CHRM3: variants seen among roughly 807,000 people sequenced by gnomAD.
The protein encoded by CHRM3 is cholinergic receptor muscarinic 3.
Under a neutral mutation model 41.8 loss-of-function variants are expected in CHRM3, and 11 were observed. The observed-to-expected ratio is 0.26, with a 90% CI of 0.17 to 0.44. The LOEUF (loss-of-function observed/expected upper bound fraction) is 0.44, where lower values mean the gene tolerates loss of function less well. CHRM3 is among the 20% of genes least tolerant of loss of function. CHRM3 has a pLI of 1.00. For synonymous variants in CHRM3, 297 were observed against 301.4 expected, an observed-to-expected ratio of 0.99 and a Z score of 0.15; for missense variants, 571 against 745.4, an observed-to-expected ratio of 0.77 and a Z score of 2.72.
In CHRM3 at chr1:239,872,333, C is replaced by A. The variant is rs1029634531; in HGVS notation, c.-19-35100C>A. Among the ~76,000 whole-genome samples the A allele has an allele frequency of 2.0e-5, 3 of 152,122 alleles. No homozygotes were observed. The South Asian group carries it at 6.2e-4, about 31-fold the overall frequency. On this transcript the variant is annotated intron_variant, in intron 6 of 6. Coordinates refer to ENST00000676153, the MANE Select transcript of CHRM3 (RefSeq NM_001375978.1). The stretch of plus-strand genomic sequence containing the variant: ...AAATGAGGTGATGAACTTTAATATC[C>A]CAGAGCTATCTTTCAGCTCAGACCT...
intron 3 of CHRM3, among the ~76,000 whole-genome samples, chr1:239,584,397 A>G (rs1222395136): frequency 6.6e-6 from 1 of 152,042 alleles, no homozygotes; most frequent in Admixed American, 6.6e-5. Flanking sequence ...AGTCACTGCC[A>G]CTATGCTTTG....
chr1:239,554,953 C>T (rs1209871422), intron 3 of CHRM3, among the ~76,000 whole-genome samples: 1 of 152,122 alleles, frequency 6.6e-6, no homozygotes, highest in African/African-American at 2.4e-5. Context: ...TGGTCTCAAA[C>T]TCCTGACCTT....
chr1:239,840,071 T>C (rs929823737), intron 6 of CHRM3, among the ~76,000 whole-genome samples: 8 of 152,204 alleles, frequency 5.3e-5, no homozygotes, highest in African/African-American at 1.9e-4. Context: ...ATAACAAACA[T>C]GGAACTGACA....
chr1:239,590,151 A>G (rs1008167156), intron 3 of CHRM3, among the ~76,000 whole-genome samples: 1 of 152,106 alleles, frequency 6.6e-6, no homozygotes, highest in Non-Finnish European at 1.5e-5. Flanking sequence ...ATCATCCCTC[A>G]GGAGGCCAGG....
intron 3 of CHRM3, among the ~76,000 whole-genome samples, chr1:239,602,108 G>GTATATATATATATATA (rs1293974734): frequency 1.5e-5 from 2 of 129,408 alleles, no homozygotes; most frequent in African/African-American, 6.7e-5. Context: ...GTGTGTGTGT[G>GTATATATATATATATA]TGTATATATA....
At chr1:239,549,796 C>A (rs1558310596) in intron 3 of CHRM3, among the ~76,000 whole-genome samples, 1 of 151,810 alleles carries the variant, frequency 6.6e-6, no homozygotes, top group Non-Finnish European at 1.5e-5. Flanking sequence ...AGGGCCAGAT[C>A]ATGGATCAGA....
chr1:239,528,111 G>T (rs953354776), intron 2 of CHRM3, among the ~76,000 whole-genome samples: 1 of 152,180 alleles, frequency 6.6e-6, no homozygotes, highest in Non-Finnish European at 1.5e-5. Flanking sequence ...GTAAACGAAA[G>T]GTTGCATTTA....
rs12081297 is a variant in CHRM3, at chr1:239,886,830, C to G, written c.-19-20603C>G. Among the ~76,000 whole-genome samples the G allele has an allele frequency of 2.1e-3, 320 of 152,284 alleles. 3 individuals are homozygous for G. Among genetic ancestry groups the G allele is most frequent in the African/African-American group, 7.3e-3 (303 of 41,564 alleles). ...TTCCAAAGAGCATTACCGGGTTTCTCTGTGAACCACGTTTTGCCAGATACT... is the reference window on the plus strand; with the variant it reads ...TTCCAAAGAGCATTACCGGGTTTCTGTGTGAACCACGTTTTGCCAGATACT... On this transcript the variant is annotated intron_variant, in intron 6 of 6. Transcript: ENST00000676153.
At chr1:239,599,351 C>A (rs1202241147) in intron 3 of CHRM3, among the ~76,000 whole-genome samples, 1 of 151,948 alleles carries the variant, frequency 6.6e-6, no homozygotes, top group African/African-American at 2.4e-5. Context: ...TTTGCAAGCT[C>A]CTGGTGGCTT....
rs370912554 is a variant in CHRM3, at chr1:239,698,183, C to T, written c.-147+19895C>T. On this transcript the variant is annotated intron_variant, in intron 5 of 6. Coordinates refer to ENST00000676153, the MANE Select transcript of CHRM3 (RefSeq NM_001375978.1). The stretch of plus-strand genomic sequence containing the variant: ...ATTATTATTTTGTAAAACTGTGTAC[C>T]GTGACAGGTATTATGAATGCTGTGA... 1.2e-4 allele frequency among the ~76,000 whole-genome samples: 18 copies of T among 152,172 alleles called. No individual in the cohort carries two copies. In the South Asian group the frequency reaches 3.7e-3, roughly 32 times the overall value.
intron 5 of CHRM3, among the ~76,000 whole-genome samples, chr1:239,801,133 G>A (rs1443329337): frequency 6.6e-6 from 1 of 152,158 alleles, no homozygotes; most frequent in Non-Finnish European, 1.5e-5. Context: ...TATAAGCCAG[G>A]CATGGTGCGA....
intron 5 of CHRM3, among the ~76,000 whole-genome samples, chr1:239,821,416 G>T (rs1449125512): frequency 6.6e-6 from 1 of 152,164 alleles, no homozygotes; most frequent in Non-Finnish European, 1.5e-5. Flanking sequence ...ATCAATGCTG[G>T]TCTTTAAGTG....
chr1:239,677,795 T>C (rs1658160330), intron 4 of CHRM3, among the ~76,000 whole-genome samples: 1 of 152,238 alleles, frequency 6.6e-6, no homozygotes. Context: ...ATAGCAGCTT[T>C]ATATCAACCT....
chr1:239,787,772 G>A (rs1669026236), intron 5 of CHRM3, among the ~76,000 whole-genome samples: 2 of 152,186 alleles, frequency 1.3e-5, no homozygotes, highest in Admixed American at 1.3e-4. Flanking sequence ...TCTTAGGCAA[G>A]TGTCTTAACA....
intron 6 of CHRM3, among the ~76,000 whole-genome samples, chr1:239,877,156 T>C (rs181503455): frequency 6.6e-6 from 1 of 152,350 alleles, no homozygotes; most frequent in African/African-American, 2.4e-5. Context: ...TAAAAGGTAC[T>C]CATAGGTAAT....
At chr1:239,885,819 T>C (rs1313867313) in intron 6 of CHRM3, among the ~76,000 whole-genome samples, 1 of 152,156 alleles carries the variant, frequency 6.6e-6, no homozygotes, top group Non-Finnish European at 1.5e-5. Flanking sequence ...AAGGTGACAC[T>C]AAACTGAATA....
chr1:239,435,603 G>A (rs1663192712), intron 1 of CHRM3, among the ~76,000 whole-genome samples: 1 of 151,924 alleles, frequency 6.6e-6, no homozygotes, highest in Non-Finnish European at 1.5e-5. Flanking sequence ...TCTGATGTAG[G>A]CTAGACATTT....
intron 1 of CHRM3, among the ~76,000 whole-genome samples, chr1:239,394,352 C>T (rs116167810): frequency 0.011 from 1,620 of 152,292 alleles, 19 homozygotes; most frequent in South Asian, 0.025. Context: ...TCTGTGGTCA[C>T]GTTGCCTCCT....
chr1:239,862,691 T>G (rs532076270), intron 6 of CHRM3, among the ~76,000 whole-genome samples: 2 of 152,322 alleles, frequency 1.3e-5, no homozygotes, highest in African/African-American at 4.8e-5. Context: ...TAAATATGAC[T>G]AAGACTCCCA....
Sources: allele counts gnomAD v4.1 joint callset (sites outside exome capture counted in the v4.1 genomes callset), GRCh38; gene constraint gnomAD v4.1.1; transcripts MANE v1.5; gene names NCBI Gene and HGNC (gene_info 2026-07-23, HGNC 2026-07-21).